The following TAF1C variants were observed in gnomAD, a reference collection of about 807,000 sequenced individuals.
TAF1C encodes TATA box-binding protein-associated factor RNA polymerase I subunit C.
A neutral mutation model predicts 70.5 loss-of-function variants in TAF1C; 79 were observed. The ratio of observed to expected loss-of-function variants is 1.12; its 90% CI spans 0.93 to 1.35. The LOEUF (loss-of-function observed/expected upper bound fraction) is 1.35, where lower values mean the gene tolerates loss of function less well. TAF1C is among the 40% of genes most tolerant of loss of function. The pLI, the probability that TAF1C is intolerant of heterozygous loss-of-function variation, is 0.00. For missense variants in TAF1C, 1,412 were observed against 1,127.8 expected, an observed-to-expected ratio of 1.25 and a Z score of -3.61; for synonymous variants, 614 against 491.1, an observed-to-expected ratio of 1.25 and a Z score of -3.31.
rs1030058170 is a variant in TAF1C, at chr16:84,183,838, G to A, written c.139-60C>T. On this transcript the variant is annotated intron_variant, in intron 2 of 14. Transcript: ENST00000566732. ...ATGAATGCCCTCCCTGGGCCAGGCT[G>A]TGCACAGGCATTCATCTCTTATCAA... The A allele has an allele frequency of 6.1e-6, 8 of 1,310,322 alleles. No individual in the cohort carries two copies. In the Admixed American group the frequency reaches 7.7e-5, roughly 13 times the overall value. 81.2% of individuals were successfully genotyped at this position (1,310,322 alleles called of 1,614,324 possible).
intron 2 of TAF1C, among the ~76,000 whole-genome samples, chr16:84,184,524 C>G (rs934191498): frequency 2.0e-5 from 3 of 152,216 alleles, no homozygotes; most frequent in African/African-American, 7.2e-5. Context: ...AAGCTCTGAT[C>G]ACATTTTGTA....
At position 84,185,000 on chromosome 16, in the gene TAF1C, G is replaced by A. The variant is rs4150126; in HGVS notation, c.-12C>T. Reference sequence around the variant, plus strand: ...CTGGGGAAGTCCATCCTGGAAACAAGGACCAAGCACCACACTGGCCACCTC... The same window carrying A: ...CTGGGGAAGTCCATCCTGGAAACAAAGACCAAGCACCACACTGGCCACCTC... On this transcript the variant is annotated 5_prime_UTR_variant, in exon 2 of 15. Transcript: ENST00000566732. 46,232 of 1,612,268 alleles carry A rather than the reference G, an allele frequency of 0.029. 775 individuals carry two copies. Among genetic ancestry groups the A allele is most frequent in the Middle Eastern group, 0.049 (295 of 6,058 alleles).
Position 84,179,257 on chromosome 16 carries a change from T to C in TAF1C, c.2216A>G (p.His739Arg), listed in dbSNP as rs759542480. The C allele has an allele frequency of 1.3e-6, 2 of 1,585,334 alleles. No individual in the cohort carries two copies. The highest frequency in any genetic ancestry group is 1.3e-5 in the African/African-American group (1 of 74,656). The change falls in exon 15 of 15, where the codon CAT becomes CGT. Residue 739 changes from histidine to arginine, a missense_variant. Transcript: ENST00000566732. ...GCTGGTGTCCTCTGAGGGATCCACA[T>C]GGCCACTGAGCGAAAAGCTGCTGGA... Reference protein sequence around the residue: ...QLSSSFSLSGHVDPSEDTSSP... With the variant: ...QLSSSFSLSGRVDPSEDTSSP...
rs938974661 is a variant in TAF1C, at chr16:84,179,243, C to G, written c.2230G>C (p.Glu744Gln). 3 of 1,584,236 alleles carry G rather than the reference C, an allele frequency of 1.9e-6. No homozygotes were observed. The highest frequency in any genetic ancestry group is 2.7e-5 in the African/African-American group (2 of 74,652). Residue 744 changes from glutamate to glutamine, a missense_variant, in exon 15 of 15, where the codon GAG (glutamate) becomes CAG (glutamine). Glu to Gln is a conservative substitution (Grantham distance 29). Coordinates refer to ENST00000566732, the MANE Select transcript of TAF1C (RefSeq NM_001243156.2). ...FSLSGHVDPSEDTSSPHSPEW... is the reference protein window; with the variant it reads ...FSLSGHVDPSQDTSSPHSPEW... Reference sequence around the variant, plus strand: ...GGGCTATGAGGGGAGCTGGTGTCCTCTGAGGGATCCACATGGCCACTGAGC... The same window carrying G: ...GGGCTATGAGGGGAGCTGGTGTCCTGTGAGGGATCCACATGGCCACTGAGC...
Position 84,182,085 on chromosome 16 carries a change from A to G in TAF1C, c.722-27T>C. Reference sequence around the variant, plus strand: ...TGGGCCTCTCACTAAGGATCAGTGCACGAGCTATGATCACTGCAAGCCCCC... The same window carrying G: ...TGGGCCTCTCACTAAGGATCAGTGCGCGAGCTATGATCACTGCAAGCCCCC... On this transcript the variant is annotated intron_variant, in intron 7 of 14. Coordinates refer to ENST00000566732, the MANE Select transcript of TAF1C (RefSeq NM_001243156.2). This position sits in a 1 kb window ranked among gnomAD's most constrained non-coding sequence, Gnocchi z 5.0. The G allele has an allele frequency of 1.2e-6, 2 of 1,608,080 alleles. No homozygotes were observed. Among genetic ancestry groups the G allele is most frequent in the East Asian group, 2.2e-5 (1 of 44,840 alleles).
At position 84,177,860 on chromosome 16, in the gene TAF1C, A is replaced by G; in HGVS notation, c.*1081T>C. The stretch of plus-strand genomic sequence containing the variant: ...ATCATAGTTTTCCCCAGTTATATGT[A>G]GCATAAATGGTTTAATCATAAATGT... On this transcript the variant is annotated 3_prime_UTR_variant, in exon 15 of 15. Transcript: ENST00000566732. 6.3e-7 allele frequency: 1 copy of G among 1,585,812 alleles called. No individual in the cohort carries two copies. The highest frequency in any genetic ancestry group is 8.7e-7 in the Non-Finnish European group (1 of 1,154,298).
chr16:84,179,653 G>C lies in TAF1C; in HGVS notation c.1820C>G (p.Thr607Ser), dbSNP rs1436249069. The C allele has an allele frequency of 1.2e-6, 2 of 1,612,642 alleles. No individual in the cohort carries two copies. The highest frequency in any genetic ancestry group is 1.7e-6 in the Non-Finnish European group (2 of 1,179,890). The change falls in exon 15 of 15, where the codon ACT becomes AGT. Residue 607 changes from threonine to serine, a missense_variant. Thr to Ser is a moderately conservative substitution (Grantham distance 58). Transcript: ENST00000566732. ...CTTCAGCCACTGGCTGCAGCCGGCA[G>C]TGTCCTGGGAGGTCCAGGAAGCTGT... Reference protein sequence around the residue: ...APTASWTSQDTAGCSQWLKAL... With the variant: ...APTASWTSQDSAGCSQWLKAL...
chr16:84,178,013 A>G lies in TAF1C; in HGVS notation c.*928T>C, dbSNP rs991506152. 6.6e-5 allele frequency: 43 copies of G among 648,788 alleles called. No homozygotes were observed. The highest frequency in any genetic ancestry group is 3.8e-4 in the Admixed American group (18 of 46,958). 40.2% of individuals were successfully genotyped at this position (648,788 alleles called of 1,614,324 possible). ...CCTGAAAAAAGACCTTTCTCTTACT[A>G]TGTCATCAGAAACCAGACAGACCCG... On this transcript the variant is annotated 3_prime_UTR_variant, in exon 15 of 15. Transcript: ENST00000566732.
chr16:84,183,098 G>C lies in TAF1C; in HGVS notation c.460C>G (p.Leu154Val). 3 of 1,614,104 alleles carry C rather than the reference G, an allele frequency of 1.9e-6. No individual in the cohort carries two copies. Among genetic ancestry groups the C allele is most frequent in the Non-Finnish European group, 2.5e-6 (3 of 1,180,030 alleles). ...VVSVKKLLQD[L>V]GGHQPWGCPW... ...TGCCCCCAGGGCTGGTGTCCACCGA[G>C]GTCCTGGAGCAGCTTCTTCACACTG... is the stretch of plus-strand genomic sequence containing the variant. The change falls in exon 6 of 15, where the codon CTC becomes GTC. Residue 154 changes from leucine (L) to valine (V), a missense_variant. Transcript: ENST00000566732.
chr16:84,186,134 T>A (rs1292681783), intron 1 of TAF1C, among the ~76,000 whole-genome samples: 2 of 152,210 alleles, frequency 1.3e-5, no homozygotes, highest in Non-Finnish European at 2.9e-5. Flanking sequence ...AGAACTTTAG[T>A]CCAACAGCTC....
At chr16:84,180,412 C>T in intron 12 of TAF1C, 68 bp from the exon 13 acceptor site, 1 of 1,464,540 alleles carries the variant, frequency 6.8e-7, no homozygotes, top group Non-Finnish European at 9.1e-7. Flanking sequence ...GCCCTCCAGG[C>T]CCCATGTGGC....
chr16:84,180,075 C>T lies in TAF1C; in HGVS notation c.1492G>A (p.Ala498Thr). ...GGGCCTGCCAGGCGGGGCACCGACG[C>T]CCCTTCTCCTGAGGAAGGACAGACA... ...LQLLHLAGEG[A>T]SVPRLAGPPQ... The change falls in exon 14 of 15, where the codon GCG (alanine) becomes ACG (threonine). Residue 498 changes from alanine to threonine, a missense_variant. Ala to Thr is a moderately conservative substitution (Grantham distance 58). Transcript: ENST00000566732. 1.3e-6 allele frequency: 2 copies of T among 1,596,098 alleles called. No homozygotes were observed. The highest frequency in any genetic ancestry group is 1.7e-6 in the Non-Finnish European group (2 of 1,172,740).
At position 84,180,351 on chromosome 16, in the gene TAF1C, C is replaced by A. The variant is rs1038823842; in HGVS notation, c.1309-7G>T. ...CCACTAGGTAGAGAGAGAACTGGGG[C>A]CCGAGAAGGAAGGGGGATGTGGCCG... On this transcript the variant is annotated splice_region_variant and splice_polypyrimidine_tract_variant and intron_variant, in intron 12 of 14. Coordinates refer to ENST00000566732, the MANE Select transcript of TAF1C (RefSeq NM_001243156.2). The A allele has an allele frequency of 4.2e-5, 65 of 1,536,830 alleles. No individual in the cohort carries two copies. Among genetic ancestry groups the A allele is most frequent in the Non-Finnish European group, 5.4e-5 (62 of 1,145,154 alleles).
In TAF1C at chr16:84,184,865, G is replaced by T; in HGVS notation, c.124C>A (p.Pro42Thr). The T allele has an allele frequency of 6.2e-7, 1 of 1,607,002 alleles. No homozygotes were observed. The highest frequency in any genetic ancestry group is 1.1e-5 in the South Asian group (1 of 89,742). ...RDALTLPEAQ[P>T]QNSENGALHV... Reference sequence around the variant, plus strand: ...TGCATCCTCACCTCTGAGTTCTGGGGCTGGGCCTCTGGCAGAGTCAGTGCG... The same window carrying T: ...TGCATCCTCACCTCTGAGTTCTGGGTCTGGGCCTCTGGCAGAGTCAGTGCG... Residue 42 changes from proline (P) to threonine (T), a missense_variant, in exon 2 of 15, where the codon CCC (proline) becomes ACC (threonine). Pro to Thr is a conservative substitution (Grantham distance 38). Transcript: ENST00000566732.
chr16:84,178,529 AG>A lies in TAF1C; in HGVS notation c.*411del. The A allele has an allele frequency of 4.4e-6, 2 of 458,462 alleles. No individual in the cohort carries two copies. The highest frequency in any genetic ancestry group is 3.1e-5 in the South Asian group (2 of 63,722). 28.4% of individuals were successfully genotyped at this position (458,462 alleles called of 1,614,324 possible). A position where few individuals can be genotyped will look rare whatever the true frequency, so the allele number is the denominator to read the frequency against. On this transcript the variant is annotated 3_prime_UTR_variant, in exon 15 of 15. Transcript: ENST00000566732. ...GTGCCCACCTCATCAGCAGCTCTGCAGGGGCCTCACTCCACCCTCACCAAAC... is the reference window on the plus strand; with the variant it reads ...GTGCCCACCTCATCAGCAGCTCTGCAGGGCCTCACTCCACCCTCACCAAAC...
chr16:84,181,974 C>CT lies in TAF1C; in HGVS notation c.805_806insA (p.Arg269GlnfsTer19). 6.2e-7 allele frequency: 1 copy of CT among 1,613,820 alleles called. No homozygotes were observed. Among genetic ancestry groups the CT allele is most frequent in the Non-Finnish European group, 8.5e-7 (1 of 1,180,022 alleles). The stretch of plus-strand genomic sequence containing the variant: ...CTGGACGGTGCATGTCACCACTTGC[C>CT]GGACAGGTCCCTGGAGCTGGATGCG... On this transcript the variant is annotated frameshift_variant, in exon 8 of 15. Coordinates refer to ENST00000566732, the MANE Select transcript of TAF1C (RefSeq NM_001243156.2). LOFTEE classifies it high-confidence loss of function.
At position 84,179,253 on chromosome 16, in the gene TAF1C, C is replaced by T. The variant is rs2088944248; in HGVS notation, c.2220G>A (p.Val740=). Residue 740 remains valine, a synonymous_variant, in exon 15 of 15, where the codon GTG becomes GTA. Transcript: ENST00000566732. ...GGGAGCTGGTGTCCTCTGAGGGATC[C>T]ACATGGCCACTGAGCGAAAAGCTGC... ...LSSSFSLSGH[V]DPSEDTSSPH... The T allele has an allele frequency of 1.3e-6, 2 of 1,584,630 alleles. No homozygotes were observed. The highest frequency in any genetic ancestry group is 2.2e-5 in the South Asian group (2 of 88,920).
At chr16:84,179,908 C>A (rs1333339431) in intron 14 of TAF1C, 38 bp downstream of exon 14, 1 of 1,607,268 alleles carries the variant, frequency 6.2e-7, no homozygotes, top group South Asian at 1.1e-5. Flanking sequence ...GGATGTTTTC[C>A]ACTGCGCCCC....
In TAF1C at chr16:84,183,434, T is replaced by C; in HGVS notation, c.294A>G (p.Arg98=). ...RGGCRYRKRP[R]VVLDVTEQIS... is the part of the protein sequence containing the mutation. ...CCTGCTCAGTCACATCCAGCACGAC[T>C]CGGGGCCGCTTCCGATACCGGCACC... is the stretch of plus-strand genomic sequence containing the variant. The change falls in exon 4 of 15, where the codon CGA becomes CGG. Residue 98 remains arginine (R), a synonymous_variant. Transcript: ENST00000566732. 1 of 1,612,502 alleles carries C rather than the reference T, an allele frequency of 6.2e-7. No homozygotes were observed. Among genetic ancestry groups the C allele is most frequent in the Non-Finnish European group, 8.5e-7 (1 of 1,179,218 alleles).
Sources: gnomAD v4.1 joint callset for allele counts (sites outside exome capture counted in the v4.1 genomes callset) on GRCh38, gnomAD v4.1.1 for gene constraint, Gnocchi (gnomAD v3.1) non-coding constraint, MANE v1.5 for transcripts, NCBI Gene and HGNC (gene_info 2026-07-23, HGNC 2026-07-21) for gene names.